MMP16: variants seen among roughly 807,000 people sequenced by gnomAD.
MMP16 encodes the protein matrix metalloproteinase-16.
A neutral mutation model predicts 67.8 loss-of-function variants in MMP16; 12 were observed. The observed-to-expected ratio is 0.18, with a 90% CI of 0.11 to 0.29. MMP16 has a LOEUF of 0.29. MMP16 is among the 10% of genes least tolerant of loss of function. MMP16 has a pLI of 1.00. For synonymous variants in MMP16, 249 were observed against 255.9 expected (o/e 0.97, Z 0.26); for missense variants, 475 against 765.7 (o/e 0.62, Z 4.48).
intron 1 of MMP16, among the ~76,000 whole-genome samples, chr8:88,285,486 A>G (rs1320489118): frequency 6.6e-6 from 1 of 152,138 alleles, no homozygotes; most frequent in Admixed American, 6.6e-5. Context: ...TCTTTAGACA[A>G]CAAAACTCAA....
At chr8:88,105,517 G>C (rs1183760545) in intron 6 of MMP16, among the ~76,000 whole-genome samples, 2 of 151,470 alleles carry the variant, frequency 1.3e-5, no homozygotes, top group Non-Finnish European at 3.0e-5. Context: ...AAACTGCAAA[G>C]TAGTGTAAGA....
chr8:88,217,713 G>T (rs1809616549), intron 1 of MMP16, among the ~76,000 whole-genome samples: 1 of 151,896 alleles, frequency 6.6e-6, no homozygotes, highest in African/African-American at 2.4e-5. Context: ...GAAAAAATTT[G>T]ATCCTTACTA....
chr8:88,147,967 G>A (rs1808323039), intron 4 of MMP16, among the ~76,000 whole-genome samples: 1 of 151,792 alleles, frequency 6.6e-6, no homozygotes. Context: ...ACATCATTTT[G>A]TACTATTTTC....
chr8:88,219,236 A>C (rs1809640517), intron 1 of MMP16, among the ~76,000 whole-genome samples: 1 of 152,036 alleles, frequency 6.6e-6, no homozygotes, highest in South Asian at 2.1e-4. Context: ...GACATTTTCA[A>C]TAAACACTGG....
chr8:88,236,475 G>C (rs949956616), intron 1 of MMP16, among the ~76,000 whole-genome samples: 1 of 152,054 alleles, frequency 6.6e-6, no homozygotes, highest in Admixed American at 6.6e-5. Flanking sequence ...CCAGCCCTAG[G>C]GCCAGGCACA....
chr8:88,121,423 A>C (rs1268673218), intron 4 of MMP16, among the ~76,000 whole-genome samples: 1 of 151,994 alleles, frequency 6.6e-6, no homozygotes, highest in African/African-American at 2.4e-5. Context: ...CAGCTTCACA[A>C]TAGTTTAAAA....
chr8:88,067,521 T>C (rs1465803476), intron 7 of MMP16, among the ~76,000 whole-genome samples: 1 of 151,964 alleles, frequency 6.6e-6, no homozygotes, highest in African/African-American at 2.4e-5. Context: ...TATCAAAGTA[T>C]TGACATAATC....
At chr8:88,211,013 C>T (rs894177472) in intron 1 of MMP16, among the ~76,000 whole-genome samples, 7 of 152,104 alleles carry the variant, frequency 4.6e-5, no homozygotes, top group African/African-American at 1.4e-4. Flanking sequence ...AATCAACTTG[C>T]CCAGGGCTAC....
chr8:88,214,012 C>T (rs986237904), intron 1 of MMP16, among the ~76,000 whole-genome samples: 1 of 152,128 alleles, frequency 6.6e-6, no homozygotes, highest in Non-Finnish European at 1.5e-5. Context: ...AAGCGCCTAA[C>T]AGACTGTAGT....
At chr8:88,154,881 G>GA (rs979403651) in intron 4 of MMP16, among the ~76,000 whole-genome samples, 61 of 140,242 alleles carry the variant, frequency 4.3e-4, no homozygotes, top group East Asian at 1.5e-3. Flanking sequence ...AAAAAAAAAA[G>GA]AAAAAAAAAA....
chr8:88,130,255 T>C (rs185728964), intron 4 of MMP16, among the ~76,000 whole-genome samples: 38 of 151,924 alleles, frequency 2.5e-4, no homozygotes, highest in Admixed American at 1.4e-3. Flanking sequence ...TTTAGTAAAG[T>C]AGTGGACTTT....
At chr8:88,255,237 C>A (rs906846572) in intron 1 of MMP16, among the ~76,000 whole-genome samples, 10 of 152,072 alleles carry the variant, frequency 6.6e-5, no homozygotes, top group South Asian at 2.1e-4. Flanking sequence ...TTTAAAAGAG[C>A]CTGGCACCTG....
intron 4 of MMP16, among the ~76,000 whole-genome samples, chr8:88,148,866 G>C (rs1415406348): frequency 6.6e-6 from 1 of 152,180 alleles, no homozygotes; most frequent in Non-Finnish European, 1.5e-5. Flanking sequence ...AGCCAAGATG[G>C]CCGAATAGGA....
chr8:88,143,958 A>G (rs1209323330), intron 4 of MMP16, among the ~76,000 whole-genome samples: 1 of 151,958 alleles, frequency 6.6e-6, no homozygotes, highest in Non-Finnish European at 1.5e-5. Flanking sequence ...CATAAGAGAA[A>G]TGTACATTTC....
intron 1 of MMP16, among the ~76,000 whole-genome samples, chr8:88,257,382 G>T (rs1194769000): frequency 1.3e-5 from 2 of 152,184 alleles, no homozygotes; most frequent in African/African-American, 4.8e-5. Context: ...TTTACTAGAG[G>T]TCATACCTAT....
chr8:88,080,824 A>G (rs1808737427), intron 6 of MMP16, among the ~76,000 whole-genome samples: 1 of 152,154 alleles, frequency 6.6e-6, no homozygotes, highest in Non-Finnish European at 1.5e-5. Context: ...CTAAGAAAAA[A>G]ATTGGGTATG....
At chr8:88,217,476 T>A (rs1809612439) in intron 1 of MMP16, among the ~76,000 whole-genome samples, 1 of 152,134 alleles carries the variant, frequency 6.6e-6, no homozygotes, top group Non-Finnish European at 1.5e-5. Context: ...TAAGAATATC[T>A]GTAATATTAA....
intron 1 of MMP16, among the ~76,000 whole-genome samples, chr8:88,260,046 T>C (rs976903428): frequency 6.6e-6 from 1 of 152,126 alleles, no homozygotes; most frequent in African/African-American, 2.4e-5. Flanking sequence ...AAAAGCTACA[T>C]ATTCAAAAAA....
chr8:88,284,712 G>T (rs573132662), intron 1 of MMP16, among the ~76,000 whole-genome samples: 14 of 152,052 alleles, frequency 9.2e-5, no homozygotes, highest in Non-Finnish European at 2.1e-4. Context: ...CTCTTTCTGC[G>T]CTCCAGTTTT....
Sources: gnomAD v4.1 joint callset for allele counts (sites outside exome capture counted in the v4.1 genomes callset) on GRCh38, gnomAD v4.1.1 for gene constraint, MANE v1.5 for transcripts, NCBI Gene and HGNC (gene_info 2026-07-23, HGNC 2026-07-21) for gene names.